ZIM2: variants seen among roughly 807,000 people sequenced by gnomAD.
ZIM2 encodes zinc finger imprinted 2.
Under a neutral mutation model 38.6 loss-of-function variants are expected in ZIM2, and 14 were observed. The observed-to-expected ratio is 0.36, with a 90% CI of 0.24 to 0.57. The LOEUF (loss-of-function observed/expected upper bound fraction) is 0.57, where lower values mean the gene tolerates loss of function less well. ZIM2 is among the 20% of genes least tolerant of loss of function. ZIM2 has a pLI of 0.81. For synonymous variants in ZIM2, 247 were observed against 245.8 expected (o/e 1.00, Z -0.04); for missense variants, 680 against 695.1 (o/e 0.98, Z 0.24).
At chr19:56,837,049 C>T (rs1195930340) in intron 1 of ZIM2, among the ~76,000 whole-genome samples, 1 of 151,106 alleles carries the variant, frequency 6.6e-6, no homozygotes, top group Admixed American at 6.6e-5. Context: ...ACTTTCCCTA[C>T]CTCAAACAAA....
chr19:56,829,590 A>T (rs919640898), intron 2 of ZIM2, among the ~76,000 whole-genome samples: 1 of 152,208 alleles, frequency 6.6e-6, no homozygotes, highest in African/African-American at 2.4e-5. Flanking sequence ...CAGGAAGAGG[A>T]AGTGCTGGTC....
chr19:56,802,509 C>A (rs1274414277), intron 9 of ZIM2, among the ~76,000 whole-genome samples: 1 of 152,142 alleles, frequency 6.6e-6, no homozygotes, highest in Non-Finnish European at 1.5e-5. Context: ...ATGGAAAATA[C>A]CAATTAGTGT....
At chr19:56,785,468 A>G (rs959838297) in intron 10 of ZIM2, among the ~76,000 whole-genome samples, 3 of 152,308 alleles carry the variant, frequency 2.0e-5, no homozygotes, top group African/African-American at 7.2e-5. Context: ...AGCAGAGTAT[A>G]TTAATTTCAT....
chr19:56,823,231 A>T (rs1297209184), intron 5 of ZIM2, among the ~76,000 whole-genome samples: 6 of 152,192 alleles, frequency 3.9e-5, no homozygotes, highest in Non-Finnish European at 7.3e-5. Flanking sequence ...AAAACCCAAG[A>T]AAACAACACA....
chr19:56,807,979 T>G (rs1377199709), intron 9 of ZIM2, among the ~76,000 whole-genome samples: 1 of 152,164 alleles, frequency 6.6e-6, no homozygotes, highest in Non-Finnish European at 1.5e-5. Flanking sequence ...GAAGACTTGT[T>G]AATCTCACTA....
intron 3 of ZIM2, 76 bp from the exon 4 acceptor site, chr19:56,824,503 G>A (rs1332477520): frequency 1.2e-6 from 2 of 1,613,918 alleles, no homozygotes; most frequent in African/African-American, 2.7e-5. Flanking sequence ...CATAGATTAG[G>A]TTCCGAAACC....
rs752058329 is a variant in ZIM2 at position 56,817,792 on chromosome 19, G to A, written c.444C>T (p.Gly148=). The A allele has an allele frequency of 1.2e-6, 2 of 1,614,066 alleles. No individual in the cohort carries two copies. Among genetic ancestry groups the A allele is most frequent in the East Asian group, 2.2e-5 (1 of 44,862 alleles). Reference sequence around the variant, plus strand: ...CACTTCTCTTGGATCTTGATGAGTGGCCCTGCGTCATGTGGGAGTGGCCAT... The same window carrying A: ...CACTTCTCTTGGATCTTGATGAGTGACCCTGCGTCATGTGGGAGTGGCCAT... ...EDDGHSHMTQ[G]HSSRSKRSAY... Residue 148 remains glycine (G), a synonymous_variant, in exon 9 of 13, where the codon GGC becomes GGT. Transcript: ENST00000629319.
At chr19:56,833,507 C>T in intron 2 of ZIM2, 1 of 263,696 alleles carries the variant, frequency 3.8e-6, no homozygotes, top group Non-Finnish European at 7.5e-6. Context: ...AGTTTAAATG[C>T]CCGACACTCA....
In ZIM2 at chr19:56,815,068, TGGTCTGTGA is replaced by T. The variant is rs778260017; in HGVS notation, c.490+2669_490+2677del. 9.3e-6 allele frequency: 15 copies of T among 1,614,010 alleles called. No homozygotes were observed. The Admixed American group carries it at 1.3e-4, about 14-fold the overall frequency. Reference sequence around the variant, plus strand: ...GCACTTCCTGCTGTGGACTTTCTGATGGTCTGTGAGGTCTGTGAGATCCACAAAGCCCAG... The same window carrying T: ...GCACTTCCTGCTGTGGACTTTCTGATGGTCTGTGAGATCCACAAAGCCCAG... On this transcript the variant is annotated intron_variant, in intron 9 of 12. Transcript: ENST00000629319.
intron 1 of ZIM2, among the ~76,000 whole-genome samples, chr19:56,840,065 G>C (rs961190017): frequency 3.3e-5 from 5 of 152,312 alleles, no homozygotes; most frequent in African/African-American, 1.2e-4. Context: ...CGCCGGCGCC[G>C]CGAGGCCGAT....
intron 11 of ZIM2, 59 bp downstream of exon 11, chr19:56,781,894 A>T (rs1325284176): frequency 3.2e-6 from 5 of 1,571,890 alleles, no homozygotes; most frequent in Admixed American, 3.5e-5. Context: ...GACACGAAGG[A>T]GTTGAGAGCT....
chr19:56,789,744 A>G (rs2145911456), intron 10 of ZIM2, 128 bp downstream of exon 10: 3 of 809,588 alleles, frequency 3.7e-6, no homozygotes, highest in East Asian at 3.0e-5. Context: ...AAAAAGGCTC[A>G]GTAAAGTGAT....
At chr19:56,839,921 C>A (rs1457175383) in intron 1 of ZIM2, among the ~76,000 whole-genome samples, 1 of 152,286 alleles carries the variant, frequency 6.6e-6, no homozygotes, top group African/African-American at 2.4e-5. Context: ...TCCTGCGCAG[C>A]AAGCCTCAGC....
chr19:56,803,716 G>C (rs2047633547), intron 9 of ZIM2, among the ~76,000 whole-genome samples: 1 of 152,162 alleles, frequency 6.6e-6, no homozygotes, highest in Non-Finnish European at 1.5e-5. Flanking sequence ...GGGACATTGA[G>C]GTAATTAAAG....
chr19:56,822,938 C>G, intron 5 of ZIM2, 102 bp from the exon 6 acceptor site: 1 of 1,463,334 alleles, frequency 6.8e-7, no homozygotes, highest in East Asian at 2.5e-5. Context: ...CTACCCTCTT[C>G]CCACAAGGAG....
chr19:56,814,560 T>C lies in ZIM2; in HGVS notation c.490+3186A>G, dbSNP rs1007325641. 10 of 1,613,772 alleles carry C rather than the reference T, an allele frequency of 6.2e-6. No homozygotes were observed. In the African/African-American group the frequency reaches 1.2e-4, roughly 19 times the overall value. On this transcript the variant is annotated intron_variant, in intron 9 of 12. Transcript: ENST00000629319. This position sits in a 1 kb window ranked among gnomAD's most constrained non-coding sequence, Gnocchi z 5.8. Reference sequence around the variant, plus strand: ...CAGTTACGTGATCTGCAAGTTCTGCTGGGTTGACGAAAGATTCTCCACAGA... The same window carrying C: ...CAGTTACGTGATCTGCAAGTTCTGCCGGGTTGACGAAAGATTCTCCACAGA...
chr19:56,822,587 C>T (rs891613848), intron 6 of ZIM2, 166 bp downstream of exon 6: 85 of 818,576 alleles, frequency 1.0e-4, no homozygotes, highest in Non-Finnish European at 1.5e-4. Flanking sequence ...GCTGGTGGTA[C>T]CGAGTGGAAC....
chr19:56,800,489 G>T (rs932441298), intron 9 of ZIM2, among the ~76,000 whole-genome samples: 1 of 152,116 alleles, frequency 6.6e-6, no homozygotes, highest in South Asian at 2.1e-4. Context: ...AGTAAGAATT[G>T]CAATAATATA....
intron 9 of ZIM2, among the ~76,000 whole-genome samples, chr19:56,806,424 G>A (rs919946968): frequency 2.0e-5 from 3 of 152,134 alleles, no homozygotes; most frequent in African/African-American, 7.2e-5. Flanking sequence ...GTGGGGAAGG[G>A]GGAGGAGAGA....
Sources: allele counts gnomAD v4.1 joint callset (sites outside exome capture counted in the v4.1 genomes callset), GRCh38; gene constraint gnomAD v4.1.1; non-coding constraint Gnocchi (gnomAD v3.1); transcripts MANE v1.5; gene names NCBI Gene and HGNC (gene_info 2026-07-23, HGNC 2026-07-21).